Variants in SRSF7 observed in about 807,000 individuals in gnomAD.
SRSF7 encodes serine/arginine-rich splicing factor 7.
SRSF7 carries 15 observed loss-of-function variants against 42.2 expected under a neutral mutation model. The observed-to-expected ratio is 0.36, with a 90% CI of 0.24 to 0.55. The LOEUF is 0.55. Among genes scored for constraint, SRSF7 ranks in the 20% least tolerant of loss-of-function variants. The pLI, the probability that SRSF7 is intolerant of heterozygous loss-of-function variation, is 0.88. For missense variants in SRSF7, 181 were observed against 305.9 expected, an observed-to-expected ratio of 0.59 and a Z score of 3.04; for synonymous variants, 138 against 107.9, an observed-to-expected ratio of 1.28 and a Z score of -1.73.
upstream of SRSF7, chr2:38,751,443 A>G (rs539780594): frequency 2.1e-5 from 16 of 751,474 alleles, no homozygotes; most frequent in Non-Finnish European, 3.0e-5. Flanking sequence ...CGCGGCACAA[A>G]GGAGCTGGGC....
chr2:38,748,189 AG>A (rs1572565441), intron 4 of SRSF7, 32 bp from the exon 5 acceptor site: 7 of 1,448,484 alleles, frequency 4.8e-6, no homozygotes, highest in Admixed American at 2.1e-5. Context: ...CCATCTCCAC[AG>A]TTTTTTTTTT....
chr2:38,747,983 A>T, intron 5 of SRSF7, 64 bp downstream of exon 5: 3 of 1,211,960 alleles, frequency 2.5e-6, no homozygotes, highest in Non-Finnish European at 3.6e-6. Flanking sequence ...TTATGTCCTT[A>T]AGACACTCTA....
chr2:38,750,216 A>G (rs1386666470), intron 1 of SRSF7, 22 bp from the exon 2 acceptor site: 3 of 1,578,508 alleles, frequency 1.9e-6, no homozygotes, highest in Non-Finnish European at 2.6e-6. Context: ...CGCAAATAGA[A>G]GAATGCACGT....
chr2:38,744,935 C>A lies in SRSF7; in HGVS notation c.*198G>T. ...TATTTAAATGTGCCAAATAAAAACC[C>A]ACATTTTCAGACCATATGATGTTAA... On this transcript the variant is annotated 3_prime_UTR_variant, in exon 8 of 8. Coordinates refer to ENST00000313117, the MANE Select transcript of SRSF7 (RefSeq NM_001031684.3). 2.1e-6 allele frequency: 1 copy of A among 482,096 alleles called. No homozygotes were observed. Among genetic ancestry groups the A allele is most frequent in the Non-Finnish European group, 3.6e-6 (1 of 280,968 alleles). 29.9% of individuals were successfully genotyped at this position (482,096 alleles called of 1,614,324 possible). A position where few individuals can be genotyped will look rare whatever the true frequency, so the allele number is the denominator to read the frequency against.
In SRSF7 at chr2:38,751,251, C is replaced by A; in HGVS notation, c.6G>T (p.Ser2=). M[S]RYGRYGGETK... ...TACCTCCTCCGTACCGCCCGTAACG[C>A]GACATGATGACAGACCCGCGTGCTC... Residue 2 remains serine (S), a synonymous_variant, in exon 1 of 8, where the codon TCG becomes TCT. Coordinates refer to ENST00000313117, the MANE Select transcript of SRSF7 (RefSeq NM_001031684.3). The A allele has an allele frequency of 1.2e-6, 2 of 1,614,182 alleles. No individual in the cohort carries two copies. The highest frequency in any genetic ancestry group is 1.7e-6 in the Non-Finnish European group (2 of 1,180,010).
chr2:38,748,359 C>T (rs1667794370), intron 4 of SRSF7, among the ~76,000 whole-genome samples: 1 of 152,054 alleles, frequency 6.6e-6, no homozygotes, highest in Non-Finnish European at 1.5e-5. Flanking sequence ...GGTATGGTGG[C>T]AGTGCCTACA....
At chr2:38,746,072 A>C (rs1667360678) in intron 7 of SRSF7, 72 bp downstream of exon 7, 2 of 1,493,220 alleles carry the variant, frequency 1.3e-6, no homozygotes, top group East Asian at 4.5e-5. Context: ...AAGACTGCAA[A>C]GCAGTAAGCA....
At chr2:38,748,186 C>A (rs201338373) in intron 4 of SRSF7, 29 bp from the exon 5 acceptor site, 4 of 1,518,154 alleles carry the variant, frequency 2.6e-6, no homozygotes, top group Admixed American at 1.9e-5. Flanking sequence ...AGTCCATCTC[C>A]ACAGTTTTTT....
chr2:38,748,227 G>C lies in SRSF7; in HGVS notation c.462-70C>G, dbSNP rs2148487301. 2.5e-6 allele frequency: 3 copies of C among 1,207,520 alleles called. No homozygotes were observed. The South Asian group carries it at 3.9e-5, about 16-fold the overall frequency. The allele number at this position is 1,207,520 out of a possible 1,614,324, so 74.8% of individuals were successfully genotyped here. ...TTTGGCCTGTTAAGACTTCAACTGGGGAACGGTGCAGTGGCTCATGCCCAT... is the reference window on the plus strand; with the variant it reads ...TTTGGCCTGTTAAGACTTCAACTGGCGAACGGTGCAGTGGCTCATGCCCAT... On this transcript the variant is annotated intron_variant, in intron 4 of 7. Coordinates refer to ENST00000313117, the MANE Select transcript of SRSF7 (RefSeq NM_001031684.3).
At position 38,744,230 on chromosome 2, in the gene SRSF7, CTT is replaced by C; in HGVS notation, c.*901_*902del. ...CCTAGCTTGAAGATTAACAACAGGT[CTT>C]TGCTCAGAATAAGACAATCCATTTG... On this transcript the variant is annotated 3_prime_UTR_variant, in exon 8 of 8. Coordinates refer to ENST00000313117, the MANE Select transcript of SRSF7 (RefSeq NM_001031684.3). 6.5e-6 allele frequency: 1 copy of C among 152,712 alleles called. No individual in the cohort carries two copies. The highest frequency in any genetic ancestry group is 1.5e-5 in the Non-Finnish European group (1 of 68,036). 9.5% of individuals were successfully genotyped at this position (152,712 alleles called of 1,614,324 possible). A position where few individuals can be genotyped will look rare whatever the true frequency, so the allele number is the denominator to read the frequency against.
intron 1 of SRSF7, chr2:38,750,977 C>T (rs1298146661): frequency 6.9e-6 from 3 of 437,706 alleles, no homozygotes; most frequent in African/African-American, 6.0e-5. Context: ...CGAAAACCGT[C>T]ATCTCAACCC....
In SRSF7 at chr2:38,743,916, C is replaced by G; in HGVS notation, c.*1217G>C. 3 of 150,280 alleles carry G rather than the reference C, an allele frequency of 2.0e-5. No homozygotes were observed. The East Asian group carries it at 5.9e-4, about 29-fold the overall frequency. The allele number at this position is 150,280 out of a possible 1,614,324, so 9.3% of individuals were successfully genotyped here. A position where few individuals can be genotyped will look rare whatever the true frequency, so the allele number is the denominator to read the frequency against. ...CCAGCAGGTTTTTTTTTTTTTGTAC[C>G]AAGGCTAGAGAATGCCTGGTAAAAG... On this transcript the variant is annotated 3_prime_UTR_variant, in exon 8 of 8. Coordinates refer to ENST00000313117, the MANE Select transcript of SRSF7 (RefSeq NM_001031684.3).
intron 5 of SRSF7, chr2:38,746,956 T>C (rs1024961819): frequency 1.9e-5 from 15 of 786,012 alleles, no homozygotes; most frequent in South Asian, 1.0e-4. Flanking sequence ...TATCACTCAA[T>C]TGGTTAGTTT....
rs762458436 is a variant in SRSF7 at position 38,746,210 on chromosome 2, AAG to A, written c.627-33_627-32del. The A allele has an allele frequency of 6.8e-6, 11 of 1,612,772 alleles. No homozygotes were observed. The South Asian group carries it at 1.2e-4, about 18-fold the overall frequency. ...AAAACATGAGAAATTCTATTAAAGAAAGAGTACTAACCAATCCCTTTCTTGTA... is the reference window on the plus strand; with the variant it reads ...AAAACATGAGAAATTCTATTAAAGAAAGTACTAACCAATCCCTTTCTTGTA... On this transcript the variant is annotated intron_variant, in intron 6 of 7. Transcript: ENST00000313117.
At position 38,745,189 on chromosome 2, in the gene SRSF7, TAAAAAG is replaced by T; in HGVS notation, c.663-8_663-3del. 6.2e-7 allele frequency: 1 copy of T among 1,614,086 alleles called. No homozygotes were observed. Among genetic ancestry groups the T allele is most frequent in the Non-Finnish European group, 8.5e-7 (1 of 1,179,964 alleles). ...CGAGGACTTCCTGATGGGGAACGAC[TAAAAAG>T]AAAAACATTAGGTTTGGATCCAATT... On this transcript the variant is annotated splice_region_variant and splice_polypyrimidine_tract_variant and intron_variant, in intron 7 of 7. Transcript: ENST00000313117.
chr2:38,748,079 C>T lies in SRSF7; in HGVS notation c.540G>A (p.Arg180=). 6.2e-7 allele frequency: 1 copy of T among 1,613,962 alleles called. No homozygotes were observed. The change falls in exon 5 of 8, where the codon AGG becomes AGA. Residue 180 remains arginine (R), a synonymous_variant. Transcript: ENST00000313117. The part of the protein sequence containing the change: ...RSRSASLRRS[R]SGSIKGSRYF... ...ACCTCGATCCTTTTATAGAACCAGACCTAGATCTTCTGAGTGAAGCTGATC... is the reference window on the plus strand; with the variant it reads ...ACCTCGATCCTTTTATAGAACCAGATCTAGATCTTCTGAGTGAAGCTGATC...
At chr2:38,748,990 T>C in intron 3 of SRSF7, 1 of 1,284,344 alleles carries the variant, frequency 7.8e-7, no homozygotes, top group South Asian at 1.4e-5. Flanking sequence ...CATCTAGATG[T>C]TTTCTTCAAT....
chr2:38,745,877 A>G (rs1357816678), intron 7 of SRSF7, among the ~76,000 whole-genome samples: 1 of 152,194 alleles, frequency 6.6e-6, no homozygotes, highest in Non-Finnish European at 1.5e-5. Context: ...AAAGGCATCT[A>G]TCTTACCAAA....
rs139911084 is a variant in SRSF7 at position 38,747,284 on chromosome 2, C to G, written c.573-537G>C. ...AATCTGTCAGACAAACCAAATCAGA[C>G]TGACATATCTATCTTTTAAATTTAT... On this transcript the variant is annotated intron_variant, in intron 5 of 7. Coordinates refer to ENST00000313117, the MANE Select transcript of SRSF7 (RefSeq NM_001031684.3). Among the ~76,000 whole-genome samples the G allele has an allele frequency of 2.6e-5, 4 of 152,324 alleles. No individual in the cohort carries two copies. The East Asian group carries it at 5.8e-4, about 22-fold the overall frequency.
Sources: gnomAD v4.1 joint callset for allele counts (sites outside exome capture counted in the v4.1 genomes callset) on GRCh38, gnomAD v4.1.1 for gene constraint, MANE v1.5 for transcripts, NCBI Gene and HGNC (gene_info 2026-07-23, HGNC 2026-07-21) for gene names.